Variants in IL18 observed in about 807,000 individuals in gnomAD.
The protein encoded by IL18 is interleukin 18.
IL18 carries 8 observed loss-of-function variants against 14.2 expected under a neutral mutation model. The observed-to-expected ratio is 0.56, with a 90% CI of 0.33 to 1.01. The LOEUF (loss-of-function observed/expected upper bound fraction) is 1.01. Among genes scored for constraint, IL18 ranks in the 50% least tolerant of loss-of-function variants. The pLI is 0.03. For synonymous variants in IL18, 67 were observed against 71.0 expected (o/e 0.94, Z 0.28); for missense variants, 166 against 231.1 (o/e 0.72, Z 1.83).
chr11:112,147,376 T>C (rs1407270202), intron 5 of IL18, among the ~76,000 whole-genome samples: 1 of 152,226 alleles, frequency 6.6e-6, no homozygotes, highest in African/African-American at 2.4e-5. Context: ...AATCCACCTG[T>C]AGGTTCGGAC....
intron 4 of IL18, 70 bp from the exon 5 acceptor site, chr11:112,148,806 A>G: frequency 1.9e-6 from 2 of 1,041,328 alleles, no homozygotes; most frequent in Non-Finnish European, 2.6e-6. Context: ...GCGGAAATTT[A>G]ACCAAAGGAT....
chr11:112,161,856 C>G (rs1866637930), intron 1 of IL18, among the ~76,000 whole-genome samples: 1 of 152,138 alleles, frequency 6.6e-6, no homozygotes, highest in Admixed American at 6.5e-5. Flanking sequence ...ATGCCTTGAA[C>G]TTGAAAAGCA....
chr11:112,147,649 T>C (rs906577299), intron 5 of IL18, among the ~76,000 whole-genome samples: 1 of 152,244 alleles, frequency 6.6e-6, no homozygotes, highest in African/African-American at 2.4e-5. Context: ...GTCTGGGGGC[T>C]GTATCTGTTG....
At chr11:112,145,970 C>T (rs1421099921) in intron 5 of IL18, among the ~76,000 whole-genome samples, 1 of 151,516 alleles carries the variant, frequency 6.6e-6, no homozygotes, top group Non-Finnish European at 1.5e-5. Context: ...CCTTGGAGAA[C>T]CCCCAACTTG....
chr11:112,153,446 GC>G (rs1011657114), intron 3 of IL18, 145 bp downstream of exon 3: 1 of 463,872 alleles, frequency 2.2e-6, no homozygotes, highest in Non-Finnish European at 3.9e-6. Flanking sequence ...TCATTCCAAA[GC>G]TGTGCTACTG....
At chr11:112,152,711 G>A (rs546769557) in intron 3 of IL18, among the ~76,000 whole-genome samples, 3 of 152,276 alleles carry the variant, frequency 2.0e-5, no homozygotes, top group Non-Finnish European at 2.9e-5. Flanking sequence ...TTTCAACTAT[G>A]TGAGTGAGAT....
chr11:112,147,441 G>T (rs1476929518), intron 5 of IL18, among the ~76,000 whole-genome samples: 2 of 152,158 alleles, frequency 1.3e-5, no homozygotes, highest in African/African-American at 4.8e-5. Context: ...ATCCCACATA[G>T]CTTGAGCTTG....
intron 1 of IL18, among the ~76,000 whole-genome samples, chr11:112,156,525 CCT>C (rs1566744454): frequency 1.3e-5 from 2 of 152,010 alleles, no homozygotes; most frequent in Non-Finnish European, 2.9e-5. Context: ...CCACCCCACC[CCT>C]CTCACCTGGG....
At chr11:112,146,927 C>CTTTTTTTTTTTTTTTTTTTTTTT in intron 5 of IL18, among the ~76,000 whole-genome samples, 1 of 125,362 alleles carries the variant, frequency 8.0e-6, no homozygotes, top group African/African-American at 3.0e-5. Context: ...GGTAATTTTA[C>CTTTTTTTTTTTTTTTTTTTTTTT]TTTTTTTTTT....
At chr11:112,160,551 TTG>T (rs1392525719) in intron 1 of IL18, among the ~76,000 whole-genome samples, 3 of 152,108 alleles carry the variant, frequency 2.0e-5, no homozygotes, top group Non-Finnish European at 4.4e-5. Flanking sequence ...AGACAATGAG[TTG>T]TCTTTTTTCC....
intron 1 of IL18, among the ~76,000 whole-genome samples, chr11:112,155,350 AAATATAAATATATTGTC>A (rs1866514183): frequency 6.6e-6 from 1 of 152,242 alleles, no homozygotes; most frequent in East Asian, 1.9e-4. Context: ...ATTCCTTGAG[AAATATAAATATATTGTC>A]AATATAAATA....
intron 5 of IL18, among the ~76,000 whole-genome samples, chr11:112,146,740 ACT>A (rs1412327502): frequency 1.4e-5 from 2 of 147,318 alleles, no homozygotes; most frequent in Non-Finnish European, 3.0e-5. Context: ...TCCACCCCTC[ACT>A]CTCTCCCCCC....
intron 3 of IL18, among the ~76,000 whole-genome samples, chr11:112,152,632 A>G (rs1272153399): frequency 6.6e-6 from 1 of 152,182 alleles, no homozygotes; most frequent in African/African-American, 2.4e-5. Flanking sequence ...GAGTCTTTGA[A>G]AGGAATGAGC....
intron 3 of IL18, among the ~76,000 whole-genome samples, chr11:112,151,522 T>C (rs1230336460): frequency 6.6e-6 from 1 of 152,220 alleles, no homozygotes; most frequent in African/African-American, 2.4e-5. Context: ...GCTCTTTATT[T>C]TGAGATTTAA....
intron 4 of IL18, among the ~76,000 whole-genome samples, chr11:112,149,850 C>T (rs904793790): frequency 3.2e-4 from 49 of 152,224 alleles, no homozygotes; most frequent in Middle Eastern, 3.4e-3. Context: ...GATTCAAAGG[C>T]AGGCTCAGAG....
intron 4 of IL18, among the ~76,000 whole-genome samples, chr11:112,149,233 A>G (rs1021279602): frequency 1.3e-5 from 2 of 151,788 alleles, no homozygotes; most frequent in African/African-American, 2.4e-5. Context: ...TGGAGGTTGT[A>G]GTGAGCCGAG....
chr11:112,155,550 G>A (rs1216600006), intron 1 of IL18, among the ~76,000 whole-genome samples: 1 of 152,132 alleles, frequency 6.6e-6, no homozygotes, highest in African/African-American at 2.4e-5. Context: ...CCATCTGAGG[G>A]TACAGGCAGG....
At chr11:112,157,568 A>G (rs2135321698) in intron 1 of IL18, among the ~76,000 whole-genome samples, 1 of 152,336 alleles carries the variant, frequency 6.6e-6, no homozygotes, top group East Asian at 1.9e-4. Context: ...TGAATGACGT[A>G]AGAGCTGAAT....
intron 1 of IL18, among the ~76,000 whole-genome samples, chr11:112,155,992 A>C (rs1040490473): frequency 6.6e-6 from 1 of 152,222 alleles, no homozygotes; most frequent in African/African-American, 2.4e-5. Flanking sequence ...TATTGCAGAG[A>C]TCTTGAGACA....
Sources: allele counts gnomAD v4.1 joint callset (sites outside exome capture counted in the v4.1 genomes callset), GRCh38; gene constraint gnomAD v4.1.1; transcripts MANE v1.5; gene names NCBI Gene and HGNC (gene_info 2026-07-23, HGNC 2026-07-21).